MARCHF1: variants seen among roughly 807,000 people sequenced by gnomAD.
MARCHF1 encodes membrane associated ring-CH-type finger 1.
A neutral mutation model predicts 54.2 loss-of-function variants in MARCHF1; 40 were observed. The ratio of observed to expected loss-of-function variants is 0.74; its 90% CI spans 0.57 to 0.96. MARCHF1 has a LOEUF of 0.96. MARCHF1 is among the 40% of genes least tolerant of loss of function. The pLI is 0.00. For synonymous variants in MARCHF1, 236 were observed against 236.3 expected, an observed-to-expected ratio of 1.00 and a Z score of 0.01; for missense variants, 586 against 656.5, an observed-to-expected ratio of 0.89 and a Z score of 1.17.
chr4:164,053,344 C>T (rs1432203150), intron 2 of MARCHF1, among the ~76,000 whole-genome samples: 1 of 151,872 alleles, frequency 6.6e-6, no homozygotes, highest in African/African-American at 2.4e-5. Flanking sequence ...ATGTGTCAAC[C>T]CCAAACATAG....
At chr4:164,139,461 G>T (rs1417549722) in intron 1 of MARCHF1, among the ~76,000 whole-genome samples, 1 of 150,706 alleles carries the variant, frequency 6.6e-6, no homozygotes, top group Non-Finnish European at 1.5e-5. Context: ...ATCAAATGCT[G>T]ATTGGCAGCA....
intron 1 of MARCHF1, among the ~76,000 whole-genome samples, chr4:164,267,426 A>C (rs1311534613): frequency 1.3e-5 from 2 of 152,132 alleles, no homozygotes; most frequent in Non-Finnish European, 2.9e-5. Flanking sequence ...TTGCCCTCTC[A>C]CTTGAATGAA....
chr4:163,956,386 T>C (rs1180977251), intron 3 of MARCHF1, among the ~76,000 whole-genome samples: 3 of 152,136 alleles, frequency 2.0e-5, no homozygotes, highest in South Asian at 2.1e-4. Context: ...TTCTTGGACA[T>C]GCCATTGTTA....
chr4:163,855,795 G>A (rs1268399437), intron 3 of MARCHF1, among the ~76,000 whole-genome samples: 1 of 152,072 alleles, frequency 6.6e-6, no homozygotes. Flanking sequence ...TGTTTGTAAA[G>A]GTAGCCAACT....
chr4:163,760,722 AT>A (rs1019456388), intron 4 of MARCHF1, among the ~76,000 whole-genome samples: 1 of 152,088 alleles, frequency 6.6e-6, no homozygotes, highest in Non-Finnish European at 1.5e-5. Context: ...AAAAAGCAGT[AT>A]TTTTTTAAAA....
At chr4:163,992,491 C>T (rs138613042) in intron 2 of MARCHF1, among the ~76,000 whole-genome samples, 182 of 151,906 alleles carry the variant, frequency 1.2e-3, no homozygotes, top group Admixed American at 2.1e-3. Context: ...GTCTTAAGGA[C>T]GAATTGAGGC....
At chr4:164,158,465 ACT>A (rs2110932370) in intron 1 of MARCHF1, among the ~76,000 whole-genome samples, 1 of 151,946 alleles carries the variant, frequency 6.6e-6, no homozygotes, top group East Asian at 1.9e-4. Context: ...ATACGATGAA[ACT>A]CTGTCTCTAC....
chr4:164,006,663 C>A (rs1034560068), intron 2 of MARCHF1, among the ~76,000 whole-genome samples: 1 of 152,072 alleles, frequency 6.6e-6, no homozygotes, highest in East Asian at 1.9e-4. Flanking sequence ...AAAAAGACTA[C>A]CCCAAGGTAT....
At chr4:163,929,977 ATATAAT>A in intron 3 of MARCHF1, among the ~76,000 whole-genome samples, 1 of 130,488 alleles carries the variant, frequency 7.7e-6, no homozygotes, top group South Asian at 2.2e-4. Flanking sequence ...TATATAATAT[ATATAAT>A]ATATATATAA....
chr4:164,161,539 T>TCAG (rs1255457067), intron 1 of MARCHF1, among the ~76,000 whole-genome samples: 224 of 150,694 alleles, frequency 1.5e-3, no homozygotes, highest in African/African-American at 5.3e-3. Flanking sequence ...ATCATCATCA[T>TCAG]CATCATCAGC....
intron 9 of MARCHF1, among the ~76,000 whole-genome samples, 179 bp downstream of exon 9, chr4:163,545,417 A>G (rs1738864833): frequency 6.6e-6 from 1 of 152,236 alleles, no homozygotes; most frequent in Admixed American, 6.5e-5. Context: ...CATATAGTTA[A>G]TGCTTTTTAA....
intron 1 of MARCHF1, among the ~76,000 whole-genome samples, chr4:164,193,216 C>T (rs540182942): frequency 2.0e-5 from 3 of 151,984 alleles, no homozygotes; most frequent in Non-Finnish European, 4.4e-5. Context: ...TCACCTTTTT[C>T]GGAAGATGCC....
intron 1 of MARCHF1, among the ~76,000 whole-genome samples, chr4:164,222,238 GAAT>G (rs1732136021): frequency 6.9e-6 from 1 of 145,446 alleles, no homozygotes; most frequent in Non-Finnish European, 1.5e-5. Flanking sequence ...TTTTTTTTTA[GAAT>G]AACAATTGAT....
At chr4:163,771,817 A>C (rs1376451314) in intron 4 of MARCHF1, among the ~76,000 whole-genome samples, 5 of 152,174 alleles carry the variant, frequency 3.3e-5, no homozygotes, top group African/African-American at 1.2e-4. Context: ...CTCAGGTTAC[A>C]TTTTCCCCCT....
intron 1 of MARCHF1, among the ~76,000 whole-genome samples, chr4:164,226,058 T>G (rs1168029226): frequency 2.0e-5 from 3 of 152,046 alleles, no homozygotes; most frequent in Non-Finnish European, 2.9e-5. Flanking sequence ...GCCTTCACCA[T>G]TTATGATCTT....
At chr4:163,601,223 A>G (rs540304348) in intron 7 of MARCHF1, among the ~76,000 whole-genome samples, 5 of 152,348 alleles carry the variant, frequency 3.3e-5, no homozygotes, top group Admixed American at 3.3e-4. Flanking sequence ...TTCAAGCTAT[A>G]TATAAATTCT....
At chr4:164,197,137 TCCTCCTCCTCCTCGC>T in intron 1 of MARCHF1, 1 of 1,602,812 alleles carries the variant, frequency 6.2e-7, no homozygotes, top group Non-Finnish European at 8.5e-7. Flanking sequence ...TTCACCTTCC[TCCTCCTCCTCCTCGC>T]CCTCCTCATC....
intron 5 of MARCHF1, among the ~76,000 whole-genome samples, chr4:163,643,327 C>CAAAAATAAAAGTAAAAATAAAAAT (rs1742630653): frequency 7.2e-6 from 1 of 138,012 alleles, no homozygotes. Flanking sequence ...GACCCTGTCT[C>CAAAAATAAAAGTAAAAATAAAAAT]AAAAATAAAA....
At chr4:163,991,178 G>C (rs1752960861) in intron 2 of MARCHF1, among the ~76,000 whole-genome samples, 1 of 152,036 alleles carries the variant, frequency 6.6e-6, no homozygotes, top group Non-Finnish European at 1.5e-5. Context: ...AACAAGAAGA[G>C]GTTTGTTATA....
Sources: gnomAD v4.1 joint callset for allele counts (sites outside exome capture counted in the v4.1 genomes callset) on GRCh38, gnomAD v4.1.1 for gene constraint, MANE v1.5 for transcripts, NCBI Gene and HGNC (gene_info 2026-07-23, HGNC 2026-07-21) for gene names.